The following CORO2B variants were observed in gnomAD, a reference collection of about 807,000 sequenced individuals.
CORO2B encodes the protein coronin-2B.
Under a neutral mutation model 58.8 loss-of-function variants are expected in CORO2B, and 26 were observed. That is an observed-to-expected ratio of 0.44 (90% CI 0.32 to 0.61). The LOEUF is 0.61. Ranked by LOEUF, CORO2B falls within the 20% of genes least tolerant of loss-of-function variation. The pLI, the probability that CORO2B is intolerant of heterozygous loss-of-function variation, is 0.04. For synonymous variants in CORO2B, 242 were observed against 253.8 expected, an observed-to-expected ratio of 0.95 and a Z score of 0.44; for missense variants, 460 against 645.1, an observed-to-expected ratio of 0.71 and a Z score of 3.11.
chr15:68,674,542 G>A (rs554612008), intron 2 of CORO2B, among the ~76,000 whole-genome samples: 2 of 152,326 alleles, frequency 1.3e-5, no homozygotes, highest in East Asian at 3.9e-4. Context: ...GCCTGGCACA[G>A]CCATCACCCT....
At chr15:68,627,962 A>G (rs540643141) in intron 1 of CORO2B, among the ~76,000 whole-genome samples, 1 of 152,148 alleles carries the variant, frequency 6.6e-6, no homozygotes, top group African/African-American at 2.4e-5. Context: ...TGTACCCGAA[A>G]TCTTCCCTCC....
intron 2 of CORO2B, among the ~76,000 whole-genome samples, chr15:68,671,523 C>T (rs978114008): frequency 1.3e-5 from 2 of 152,170 alleles, no homozygotes. Context: ...AACAAATTAC[C>T]CCAAAATGTG....
intron 11 of CORO2B, among the ~76,000 whole-genome samples, chr15:68,724,839 G>A (rs1313247603): frequency 1.3e-5 from 2 of 152,112 alleles, no homozygotes; most frequent in East Asian, 3.8e-4. Flanking sequence ...TGCCTTCCAG[G>A]GCTCGGCGTT....
chr15:68,526,746 G>T, the CORO2B span, among the ~76,000 whole-genome samples: 4 of 152,070 alleles, frequency 2.6e-5, no homozygotes, highest in South Asian at 2.1e-4. Flanking sequence ...AGTTTTAAAT[G>T]TTGAAAAAGA....
chr15:68,611,082 C>T (rs1441082014), intron 1 of CORO2B, among the ~76,000 whole-genome samples: 3 of 152,188 alleles, frequency 2.0e-5, no homozygotes, highest in Middle Eastern at 3.4e-3. Context: ...TGAGAAAATG[C>T]GCCCCACCAC....
At chr15:68,537,457 G>A in the CORO2B span, among the ~76,000 whole-genome samples, 144,217 of 152,252 alleles carry the variant, frequency 0.95, 68,399 homozygotes, top group East Asian at 1. Flanking sequence ...CTAGCCCACT[G>A]CTTGTTTTTG....
chr15:68,620,640 T>C (rs1033278124), intron 1 of CORO2B, among the ~76,000 whole-genome samples: 3 of 152,178 alleles, frequency 2.0e-5, no homozygotes, highest in African/African-American at 7.2e-5. Flanking sequence ...CAAAGTGCCT[T>C]CTCTGTTTTA....
intron 1 of CORO2B, among the ~76,000 whole-genome samples, chr15:68,637,083 G>A (rs1213160430): frequency 6.6e-6 from 1 of 152,224 alleles, no homozygotes; most frequent in Non-Finnish European, 1.5e-5. Flanking sequence ...ACTCCCAAAT[G>A]TTGGTTCCAC....
At chr15:68,621,574 A>T (rs1900520204) in intron 1 of CORO2B, among the ~76,000 whole-genome samples, 1 of 152,182 alleles carries the variant, frequency 6.6e-6, no homozygotes, top group South Asian at 2.1e-4. Context: ...CTCTGTCTTC[A>T]TAACTCTGCC....
At chr15:68,519,252 A>G in the CORO2B span, among the ~76,000 whole-genome samples, 1 of 152,324 alleles carries the variant, frequency 6.6e-6, no homozygotes, top group South Asian at 2.1e-4. Context: ...AAAGCGTACA[A>G]ATGCACACAA....
the CORO2B span, among the ~76,000 whole-genome samples, chr15:68,558,323 G>A: frequency 1.3e-5 from 2 of 152,114 alleles, no homozygotes; most frequent in Admixed American, 1.3e-4. Flanking sequence ...AACCCTGAAT[G>A]GCTGGGAAGG....
intron 1 of CORO2B, among the ~76,000 whole-genome samples, chr15:68,629,815 C>T (rs202091370): frequency 1.4e-5 from 2 of 138,364 alleles, no homozygotes; most frequent in African/African-American, 5.4e-5. Flanking sequence ...GGGCTCTTAA[C>T]CAGCATGTGT....
chr15:68,669,894 TA>T (rs1411600919), intron 2 of CORO2B, among the ~76,000 whole-genome samples: 1 of 151,630 alleles, frequency 6.6e-6, no homozygotes, highest in East Asian at 2.0e-4. Context: ...CTATCTCTAC[TA>T]AAAATACAAA....
At chr15:68,554,773 T>A in the CORO2B span, among the ~76,000 whole-genome samples, 1 of 152,188 alleles carries the variant, frequency 6.6e-6, no homozygotes, top group Non-Finnish European at 1.5e-5. Context: ...CAAAGTCCCA[T>A]GACTAGGAAG....
chr15:68,534,304 A>G, the CORO2B span, among the ~76,000 whole-genome samples: 1 of 152,140 alleles, frequency 6.6e-6, no homozygotes, highest in African/African-American at 2.4e-5. Context: ...ATGTGTGCAC[A>G]CATGCACACA....
intron 2 of CORO2B, among the ~76,000 whole-genome samples, chr15:68,676,906 G>T (rs970683442): frequency 1.3e-5 from 2 of 152,148 alleles, no homozygotes; most frequent in African/African-American, 4.8e-5. Context: ...CAAGTAGCTG[G>T]GACCAGAGGT....
chr15:68,716,992 A>G (rs1408079062), intron 8 of CORO2B, among the ~76,000 whole-genome samples: 1 of 152,040 alleles, frequency 6.6e-6, no homozygotes, highest in African/African-American at 2.4e-5. Flanking sequence ...ACATGATGGG[A>G]TCCGAAATGT....
chr15:68,590,213 C>T (rs188518183), intron 1 of CORO2B, among the ~76,000 whole-genome samples: 3 of 152,176 alleles, frequency 2.0e-5, no homozygotes, highest in Admixed American at 1.3e-4. Flanking sequence ...ACTCAGGAGC[C>T]ACAAACAAAG....
chr15:68,540,808 CTG>C, the CORO2B span, among the ~76,000 whole-genome samples: 1 of 152,170 alleles, frequency 6.6e-6, no homozygotes, highest in African/African-American at 2.4e-5. Context: ...GAGTCAGTGA[CTG>C]TCAGTATAGT....
Sources: allele counts gnomAD v4.1 joint callset (sites outside exome capture counted in the v4.1 genomes callset), GRCh38; gene constraint gnomAD v4.1.1; transcripts MANE v1.5; gene names NCBI Gene and HGNC (gene_info 2026-07-23, HGNC 2026-07-21).